The following LSAMP variants were observed in gnomAD, a reference collection of about 807,000 sequenced individuals.
LSAMP encodes the protein limbic system associated membrane protein.
A neutral mutation model predicts 38.6 loss-of-function variants in LSAMP; 7 were observed. The ratio of observed to expected loss-of-function variants is 0.18; its 90% CI spans 0.10 to 0.34. LSAMP has a LOEUF of 0.34. Ranked by LOEUF, LSAMP falls within the 10% of genes least tolerant of loss-of-function variation. The probability of loss-of-function intolerance (pLI) is 1.00; values close to 1 mark genes in which losing one functional copy is unlikely to be tolerated. For missense variants in LSAMP, 313 were observed against 420.0 expected, an observed-to-expected ratio of 0.75 and a Z score of 2.23; for synonymous variants, 154 against 166.8, an observed-to-expected ratio of 0.92 and a Z score of 0.59.
At chr3:116,201,232 C>T (rs370417949) in intron 1 of LSAMP, among the ~76,000 whole-genome samples, 25 of 152,258 alleles carry the variant, frequency 1.6e-4, no homozygotes, top group East Asian at 1.5e-3. Context: ...TGTTAATTGC[C>T]ATTCCTAGCA....
chr3:116,281,087 G>C (rs1576479864), intron 1 of LSAMP, among the ~76,000 whole-genome samples: 2 of 152,170 alleles, frequency 1.3e-5, no homozygotes, highest in South Asian at 4.1e-4. Flanking sequence ...TTGCAAACTT[G>C]GAAAAAATAC....
intron 1 of LSAMP, among the ~76,000 whole-genome samples, chr3:116,327,404 T>C (rs1467748905): frequency 6.6e-6 from 1 of 152,144 alleles, no homozygotes; most frequent in African/African-American, 2.4e-5. Context: ...GGAATATTCT[T>C]CTTACTTTTT....
At chr3:115,915,994 C>T (rs1380824033) in intron 3 of LSAMP, among the ~76,000 whole-genome samples, 1 of 152,122 alleles carries the variant, frequency 6.6e-6, no homozygotes, top group Non-Finnish European at 1.5e-5. Context: ...AAATGCCTTG[C>T]AAAGGCCATC....
intron 1 of LSAMP, among the ~76,000 whole-genome samples, chr3:116,293,473 G>C (rs1353595681): frequency 1.3e-5 from 2 of 152,132 alleles, no homozygotes; most frequent in Non-Finnish European, 2.9e-5. Flanking sequence ...TAACTTACAA[G>C]ATGGGGGTTA....
intron 1 of LSAMP, among the ~76,000 whole-genome samples, chr3:116,390,590 C>G (rs2048679637): frequency 6.6e-6 from 1 of 151,766 alleles, no homozygotes; most frequent in Non-Finnish European, 1.5e-5. Context: ...ATTAGCTGGG[C>G]ATGGTGGCAT....
At chr3:116,167,051 A>T (rs755302220) in intron 1 of LSAMP, among the ~76,000 whole-genome samples, 4 of 152,084 alleles carry the variant, frequency 2.6e-5, no homozygotes, top group Non-Finnish European at 5.9e-5. Context: ...TTGGCCTCCC[A>T]AAGTGCTGGG....
chr3:116,377,416 C>T (rs934944099), intron 1 of LSAMP, among the ~76,000 whole-genome samples: 3 of 152,018 alleles, frequency 2.0e-5, no homozygotes, highest in Non-Finnish European at 4.4e-5. Context: ...AATCTCATTC[C>T]TTTTTATGGC....
intron 1 of LSAMP, among the ~76,000 whole-genome samples, chr3:116,366,510 AG>A (rs1358465419): frequency 1.3e-5 from 2 of 152,214 alleles, no homozygotes; most frequent in East Asian, 3.8e-4. Flanking sequence ...TGTGCCACTC[AG>A]GGTCACTCAG....
intron 3 of LSAMP, among the ~76,000 whole-genome samples, chr3:115,880,540 A>G (rs953085287): frequency 2.6e-5 from 4 of 152,148 alleles, no homozygotes; most frequent in African/African-American, 4.8e-5. Context: ...CAGGGTCTCT[A>G]TTTTAATAAA....
chr3:116,235,157 ATT>A (rs2046449430), intron 1 of LSAMP, among the ~76,000 whole-genome samples: 5 of 15,014 alleles, frequency 3.3e-4, no homozygotes, highest in Non-Finnish European at 4.3e-4. Flanking sequence ...TAACTTTATT[ATT>A]TATTTATTAT....
chr3:116,253,266 G>A (rs1404623287), intron 1 of LSAMP, among the ~76,000 whole-genome samples: 1 of 152,058 alleles, frequency 6.6e-6, no homozygotes, highest in Non-Finnish European at 1.5e-5. Flanking sequence ...ACTGACCAAC[G>A]TGATTTGTAG....
chr3:116,232,699 C>CT (rs1219296323), intron 1 of LSAMP, among the ~76,000 whole-genome samples: 3,872 of 99,408 alleles, frequency 0.039, 240 homozygotes, highest in African/African-American at 0.11. Flanking sequence ...TTCTTTCTTT[C>CT]TTTTTTTTTT....
intron 2 of LSAMP, among the ~76,000 whole-genome samples, chr3:116,027,251 T>C (rs193193744): frequency 3.3e-5 from 5 of 152,218 alleles, no homozygotes; most frequent in Non-Finnish European, 5.9e-5. Flanking sequence ...TATTATTTTA[T>C]GCTCCTGATT....
At chr3:116,087,894 G>T (rs1367046338) in intron 1 of LSAMP, among the ~76,000 whole-genome samples, 1 of 150,248 alleles carries the variant, frequency 6.7e-6, no homozygotes, top group Non-Finnish European at 1.5e-5. Flanking sequence ...TTTAGAGGGA[G>T]ATTTTTTTTT....
chr3:115,814,000 C>T lies in LSAMP; in HGVS notation c.920-3586G>A, dbSNP rs147938218. ...ATTTTGCTATGTCTTTTTCATATAA[C>T]AGACAAAAATTATATTTTAGTATCC... is the stretch of plus-strand genomic sequence containing the variant. On this transcript the variant is annotated intron_variant, in intron 6 of 6. Coordinates refer to ENST00000490035, the MANE Select transcript of LSAMP (RefSeq NM_002338.5). 2.8e-3 allele frequency among the ~76,000 whole-genome samples: 423 copies of T among 152,256 alleles called. 3 individuals carry two copies. The highest frequency in any genetic ancestry group is 9.8e-3 in the African/African-American group (406 of 41,548).
chr3:116,259,957 A>G (rs1559802812), intron 1 of LSAMP, among the ~76,000 whole-genome samples: 1 of 151,996 alleles, frequency 6.6e-6, no homozygotes, highest in African/African-American at 2.4e-5. Flanking sequence ...TCCTCACGCT[A>G]TGCATCTTCC....
chr3:116,275,273 G>A (rs2047034004), intron 1 of LSAMP, among the ~76,000 whole-genome samples: 1 of 151,918 alleles, frequency 6.6e-6, no homozygotes, highest in African/African-American at 2.4e-5. Flanking sequence ...GGCTGGTCTG[G>A]AACTCCTAGG....
chr3:116,375,397 C>T (rs916013696), intron 1 of LSAMP, among the ~76,000 whole-genome samples: 7 of 151,080 alleles, frequency 4.6e-5, no homozygotes, highest in African/African-American at 1.7e-4. Flanking sequence ...TAGTCATATT[C>T]GATTAGAGAA....
chr3:115,821,491 G>A (rs1404273001), intron 6 of LSAMP, among the ~76,000 whole-genome samples: 1 of 152,080 alleles, frequency 6.6e-6, no homozygotes, highest in East Asian at 1.9e-4. Context: ...TAATTCTAGG[G>A]TATTTACTTG....
Sources: gnomAD v4.1 joint callset for allele counts (sites outside exome capture counted in the v4.1 genomes callset) on GRCh38, gnomAD v4.1.1 for gene constraint, MANE v1.5 for transcripts, NCBI Gene and HGNC (gene_info 2026-07-23, HGNC 2026-07-21) for gene names.